The following PHF21A variants were observed in gnomAD, a reference collection of about 807,000 sequenced individuals.
PHF21A encodes PHD finger protein 21A.
PHF21A carries 11 observed loss-of-function variants against 82.5 expected under a neutral mutation model. The ratio of observed to expected loss-of-function variants is 0.13; its 90% confidence interval spans 0.08 to 0.22. PHF21A has a LOEUF of 0.22. Among genes scored for constraint, PHF21A ranks in the 10% least tolerant of loss-of-function variants. The pLI, the probability that PHF21A is intolerant of heterozygous loss-of-function variation, is 1.00. For synonymous variants in PHF21A, 297 were observed against 302.8 expected, an observed-to-expected ratio of 0.98 and a Z score of 0.20; for missense variants, 579 against 837.8, an observed-to-expected ratio of 0.69 and a Z score of 3.81.
At chr11:46,075,290 A>G (rs2096712051) in intron 6 of PHF21A, among the ~76,000 whole-genome samples, 1 of 152,228 alleles carries the variant, frequency 6.6e-6, no homozygotes, top group South Asian at 2.1e-4. Context: ...TGTAGTCTTA[A>G]GTTATCTTAA....
intron 6 of PHF21A, among the ~76,000 whole-genome samples, chr11:46,023,015 C>A (rs566598645): frequency 1.3e-5 from 2 of 152,036 alleles, no homozygotes; most frequent in Admixed American, 6.5e-5. Flanking sequence ...CCTCCCAAAG[C>A]GCTGAGATTA....
intron 11 of PHF21A, among the ~76,000 whole-genome samples, chr11:45,951,071 C>G (rs1455092773): frequency 1.3e-5 from 2 of 152,228 alleles, no homozygotes; most frequent in Non-Finnish European, 2.9e-5. Flanking sequence ...CGTTAAGACT[C>G]TTCAAGCCAG....
intron 6 of PHF21A, among the ~76,000 whole-genome samples, chr11:46,031,394 G>A (rs1032487612): frequency 6.6e-6 from 1 of 152,058 alleles, no homozygotes; most frequent in African/African-American, 2.4e-5. Flanking sequence ...TCACTTCCTT[G>A]GATAAACAAC....
chr11:46,060,716 T>C (rs1356104614), intron 6 of PHF21A, among the ~76,000 whole-genome samples: 1 of 152,254 alleles, frequency 6.6e-6, no homozygotes, highest in Non-Finnish European at 1.5e-5. Flanking sequence ...TGCTGGATAT[T>C]AGACCTTTGT....
intron 18 of PHF21A, chr11:45,935,353 T>C: frequency 1.2e-6 from 1 of 854,138 alleles, no homozygotes; most frequent in Non-Finnish European, 1.8e-6. Flanking sequence ...ATGGCTACAC[T>C]GTTGTAGCTG....
chr11:46,102,219 G>A (rs2097105340), intron 1 of PHF21A, among the ~76,000 whole-genome samples: 1 of 152,156 alleles, frequency 6.6e-6, no homozygotes, highest in Non-Finnish European at 1.5e-5. Context: ...ACAGTGCTGG[G>A]ATTACAGGCA....
At chr11:45,967,660 G>A (rs762307222) in intron 9 of PHF21A, among the ~76,000 whole-genome samples, 39 of 152,208 alleles carry the variant, frequency 2.6e-4, no homozygotes, top group Non-Finnish European at 5.6e-4. Flanking sequence ...GAAGACAAAT[G>A]TCTGATGCTA....
At chr11:46,041,976 A>G (rs994646404) in intron 6 of PHF21A, among the ~76,000 whole-genome samples, 3 of 152,248 alleles carry the variant, frequency 2.0e-5, no homozygotes, top group African/African-American at 4.8e-5. Flanking sequence ...CATCTCTTCT[A>G]TTTTTAAAAT....
intron 6 of PHF21A, among the ~76,000 whole-genome samples, chr11:46,067,855 C>T (rs761215126): frequency 4.6e-5 from 7 of 152,066 alleles, no homozygotes; most frequent in South Asian, 2.1e-4. Context: ...CCACAATGAG[C>T]GCCAAATAAA....
At chr11:45,979,734 C>T (rs2094199081) in intron 7 of PHF21A, 26 bp downstream of exon 7, 1 of 1,612,888 alleles carries the variant, frequency 6.2e-7, no homozygotes, top group Non-Finnish European at 8.5e-7. Context: ...AATCTGCAGC[C>T]TGCAATGTTC....
At chr11:46,103,521 G>C (rs532148647) in intron 1 of PHF21A, among the ~76,000 whole-genome samples, 1 of 152,070 alleles carries the variant, frequency 6.6e-6, no homozygotes, top group Non-Finnish European at 1.5e-5. Flanking sequence ...TCAGAAATGA[G>C]ATACAATGTT....
At chr11:46,085,483 G>A (rs578188757) in intron 3 of PHF21A, among the ~76,000 whole-genome samples, 1 of 152,222 alleles carries the variant, frequency 6.6e-6, no homozygotes, top group South Asian at 2.1e-4. Flanking sequence ...TTTCTTGAAT[G>A]TGGCCTTAGA....
intron 10 of PHF21A, among the ~76,000 whole-genome samples, chr11:45,957,751 C>CAAAAAAAAGAAAAAA (rs2092749857): frequency 1.6e-5 from 1 of 60,894 alleles, no homozygotes; most frequent in African/African-American, 6.0e-5. Context: ...AAATTCAAAG[C>CAAAAAAAAGAAAAAA]AAAAAAAAAA....
chr11:45,997,616 G>A (rs576475672), intron 6 of PHF21A, among the ~76,000 whole-genome samples: 1 of 152,084 alleles, frequency 6.6e-6, no homozygotes, highest in Non-Finnish European at 1.5e-5. Context: ...TTCACTAAAT[G>A]CTTGTTTTGC....
chr11:46,001,284 C>A (rs939640959), intron 6 of PHF21A, among the ~76,000 whole-genome samples: 2 of 151,124 alleles, frequency 1.3e-5, no homozygotes, highest in African/African-American at 4.9e-5. Context: ...TCTGTGACCA[C>A]CAGGGGGGCT....
At chr11:46,048,852 A>G (rs769098092) in intron 6 of PHF21A, among the ~76,000 whole-genome samples, 4 of 152,194 alleles carry the variant, frequency 2.6e-5, no homozygotes, top group Admixed American at 6.5e-5. Flanking sequence ...ATACCTAGGA[A>G]TAACTGCTCA....
chr11:45,938,783 C>T (rs1590938960), intron 15 of PHF21A, among the ~76,000 whole-genome samples: 2 of 151,692 alleles, frequency 1.3e-5, no homozygotes, highest in South Asian at 4.2e-4. Context: ...GTTGACTATG[C>T]GTAACTGAAA....
At chr11:46,079,946 A>T (rs1422343714) in intron 4 of PHF21A, among the ~76,000 whole-genome samples, 1 of 152,210 alleles carries the variant, frequency 6.6e-6, no homozygotes, top group Non-Finnish European at 1.5e-5. Context: ...CAACTTCTAA[A>T]GACATCGCTG....
chr11:46,081,656 C>G (rs1011380128), intron 4 of PHF21A, among the ~76,000 whole-genome samples: 45 of 152,230 alleles, frequency 3.0e-4, no homozygotes, highest in Non-Finnish European at 5.9e-5. Context: ...TAACTTTAAG[C>G]TGACATTGTG....
Sources: allele counts gnomAD v4.1 joint callset (sites outside exome capture counted in the v4.1 genomes callset), GRCh38; gene constraint gnomAD v4.1.1; transcripts MANE v1.5; gene names NCBI Gene and HGNC (gene_info 2026-07-23, HGNC 2026-07-21).